Variants in STARD3NL observed in about 807,000 individuals in gnomAD.
STARD3NL encodes the protein STARD3 N-terminal like.
In STARD3NL, 17 loss-of-function variants were observed where a neutral mutation model predicts 30.9. That is an observed-to-expected ratio of 0.55 (90% CI 0.38 to 0.82). The LOEUF is 0.82. Ranked by LOEUF, STARD3NL falls within the 40% of genes least tolerant of loss-of-function variation. The probability of loss-of-function intolerance (pLI) is 0.00; values close to 1 mark genes in which losing one functional copy is unlikely to be tolerated. For missense variants in STARD3NL, 234 were observed against 277.6 expected (o/e 0.84, Z 1.12); for synonymous variants, 112 against 100.5 (o/e 1.11, Z -0.69).
chr7:38,199,269 A>T (rs1437564249), intron 1 of STARD3NL, among the ~76,000 whole-genome samples: 1 of 152,228 alleles, frequency 6.6e-6, no homozygotes, highest in East Asian at 1.9e-4. Context: ...AGAGGATCTC[A>T]GTACCCCGGA....
intron 2 of STARD3NL, among the ~76,000 whole-genome samples, chr7:38,211,593 A>G (rs765155865): frequency 6.6e-6 from 1 of 152,188 alleles, no homozygotes. Context: ...ATTAAAAGGT[A>G]TATAGAAGGA....
At chr7:38,196,899 T>G (rs1784922272) in intron 1 of STARD3NL, among the ~76,000 whole-genome samples, 1 of 152,196 alleles carries the variant, frequency 6.6e-6, no homozygotes, top group Admixed American at 6.5e-5. Context: ...ATATGGATCA[T>G]ATAGGGCACA....
At chr7:38,199,994 T>G (rs537901975) in intron 1 of STARD3NL, among the ~76,000 whole-genome samples, 1 of 152,192 alleles carries the variant, frequency 6.6e-6, no homozygotes, top group Non-Finnish European at 1.5e-5. Context: ...TCTAATCTAG[T>G]CTGTGGGGTT....
chr7:38,187,071 G>A (rs1030256206), intron 1 of STARD3NL, among the ~76,000 whole-genome samples: 1 of 152,002 alleles, frequency 6.6e-6, no homozygotes, highest in Non-Finnish European at 1.5e-5. Flanking sequence ...TTAATCCTCA[G>A]GGCCCATCTT....
chr7:38,217,120 G>T (rs1340842893), intron 5 of STARD3NL, 42 bp downstream of exon 5: 1 of 1,613,654 alleles, frequency 6.2e-7, no homozygotes, highest in Non-Finnish European at 8.5e-7. Context: ...CATCTTCAGT[G>T]ATGAAGCCTC....
chr7:38,222,493 A>G (rs569063263), intron 7 of STARD3NL, among the ~76,000 whole-genome samples: 60 of 152,354 alleles, frequency 3.9e-4, no homozygotes, highest in African/African-American at 1.3e-3. Context: ...GGAAATTCAT[A>G]TTAGAGTTCA....
chr7:38,216,828 T>C (rs1786147539), intron 4 of STARD3NL, 197 bp from the exon 5 acceptor site: 1 of 591,990 alleles, frequency 1.7e-6, no homozygotes, highest in Admixed American at 3.1e-5. Flanking sequence ...TTAGGGATTG[T>C]GTCACATGTA....
At chr7:38,227,342 C>G (rs1325567222) in intron 7 of STARD3NL, among the ~76,000 whole-genome samples, 1 of 152,136 alleles carries the variant, frequency 6.6e-6, no homozygotes, top group Non-Finnish European at 1.5e-5. Flanking sequence ...CCTCCTGTCT[C>G]TATGATGGAC....
At chr7:38,183,065 TATTAA>T (rs375918120) in intron 1 of STARD3NL, among the ~76,000 whole-genome samples, 5 of 152,264 alleles carry the variant, frequency 3.3e-5, no homozygotes, top group African/African-American at 1.2e-4. Flanking sequence ...ATTAAGCATT[TATTAA>T]ATTAATGATG....
intron 7 of STARD3NL, among the ~76,000 whole-genome samples, chr7:38,226,152 G>GTTTTTTTTTTT (rs11286474): frequency 2.9e-5 from 3 of 102,470 alleles, no homozygotes; most frequent in African/African-American, 3.9e-5. Context: ...TGCCTATCTT[G>GTTTTTTTTTTT]TTTTTTTTTT....
intron 1 of STARD3NL, among the ~76,000 whole-genome samples, chr7:38,178,732 C>T (rs55645831): frequency 0.023 from 3,566 of 152,258 alleles, 50 homozygotes; most frequent in Admixed American, 0.046. Context: ...GAGGAGTCCC[C>T]GGTGGGGTCG....
intron 1 of STARD3NL, among the ~76,000 whole-genome samples, chr7:38,196,009 T>G (rs2116069868): frequency 6.6e-6 from 1 of 152,314 alleles, no homozygotes; most frequent in East Asian, 1.9e-4. Flanking sequence ...GCAAGTGGCT[T>G]TGCCTTGCAT....
At chr7:38,205,697 G>A (rs1785425705) in intron 1 of STARD3NL, among the ~76,000 whole-genome samples, 1 of 152,034 alleles carries the variant, frequency 6.6e-6, no homozygotes, top group Non-Finnish European at 1.5e-5. Context: ...TTTTTCATGA[G>A]CCAACACATG....
intron 1 of STARD3NL, among the ~76,000 whole-genome samples, chr7:38,192,962 G>C (rs1784750373): frequency 6.6e-6 from 1 of 151,940 alleles, no homozygotes; most frequent in Non-Finnish European, 1.5e-5. Context: ...TTATGTCAGG[G>C]ATGTGTTTCT....
intron 7 of STARD3NL, among the ~76,000 whole-genome samples, chr7:38,220,490 T>C (rs553278827): frequency 5.3e-5 from 8 of 152,026 alleles, no homozygotes; most frequent in African/African-American, 1.7e-4. Flanking sequence ...AGACAGAAAA[T>C]AAGTATTGGT....
chr7:38,201,100 T>C (rs1785156221), intron 1 of STARD3NL, among the ~76,000 whole-genome samples: 1 of 152,196 alleles, frequency 6.6e-6, no homozygotes, highest in Non-Finnish European at 1.5e-5. Flanking sequence ...ATTCACTGGA[T>C]TAAGTAGGTA....
At position 38,219,644 on chromosome 7, in the gene STARD3NL, T is replaced by A; in HGVS notation, c.633T>A (p.Pro211=). 1.2e-6 allele frequency: 2 copies of A among 1,612,420 alleles called. No homozygotes were observed. The highest frequency in any genetic ancestry group is 1.7e-6 in the Non-Finnish European group (2 of 1,178,728). The change falls in exon 7 of 9, where the codon CCT becomes CCA. Residue 211 remains proline (P), a synonymous_variant. Coordinates refer to ENST00000009041, the MANE Select transcript of STARD3NL (RefSeq NM_032016.4). The stretch of plus-strand genomic sequence containing the variant: ...TTTCTGATGGTCAGTTTTATTCCCC[T>A]CCTGAATCCGAAGCAGGTAAAAAAC... ...GGLSDGQFYS[P]PESEAGSEEA...
chr7:38,182,961 A>G (rs1291928757), intron 1 of STARD3NL, among the ~76,000 whole-genome samples: 1 of 152,176 alleles, frequency 6.6e-6, no homozygotes. Context: ...CCAGGACGGT[A>G]TACTTTTCAA....
intron 1 of STARD3NL, among the ~76,000 whole-genome samples, chr7:38,197,194 TTTTC>T (rs765996812): frequency 2.1e-5 from 3 of 143,804 alleles, no homozygotes; most frequent in Non-Finnish European, 3.0e-5. Context: ...CTTTCTTTCT[TTTTC>T]TCTCTCTCTC....
Sources: allele counts gnomAD v4.1 joint callset (sites outside exome capture counted in the v4.1 genomes callset), GRCh38; gene constraint gnomAD v4.1.1; transcripts MANE v1.5; gene names NCBI Gene and HGNC (gene_info 2026-07-23, HGNC 2026-07-21).